Variants in SCN11A observed in about 807,000 individuals in gnomAD.
SCN11A encodes the protein sodium channel protein type 11 subunit alpha.
SCN11A carries 122 observed loss-of-function variants against 162.2 expected under a neutral mutation model. The ratio of observed to expected loss-of-function variants is 0.75; its 90% CI spans 0.65 to 0.87. The LOEUF is 0.87. Ranked by LOEUF, SCN11A falls within the 40% of genes least tolerant of loss-of-function variation. The probability of loss-of-function intolerance (pLI) is 0.00; values close to 1 mark genes in which losing one functional copy is unlikely to be tolerated. For missense variants in SCN11A, 2,015 were observed against 2,181.6 expected, an observed-to-expected ratio of 0.92 and a Z score of 1.52; for synonymous variants, 758 against 751.5, an observed-to-expected ratio of 1.01 and a Z score of -0.14.
intron 19 of SCN11A, among the ~76,000 whole-genome samples, chr3:38,888,374 T>C (rs1191336421): frequency 6.6e-6 from 1 of 152,208 alleles, no homozygotes; most frequent in African/African-American, 2.4e-5. Flanking sequence ...CAGACAATCA[T>C]AGAACTTAGA....
At chr3:38,963,383 A>C (rs1299994130) in intron 2 of SCN11A, among the ~76,000 whole-genome samples, 1 of 79,238 alleles carries the variant, frequency 1.3e-5, no homozygotes, top group Non-Finnish European at 2.2e-5. Flanking sequence ...ATATATATAT[A>C]TATGATGGAG....
intron 2 of SCN11A, among the ~76,000 whole-genome samples, chr3:38,966,663 T>C (rs2066784456): frequency 2.0e-5 from 3 of 152,206 alleles, no homozygotes; most frequent in East Asian, 3.8e-4. Context: ...TGTTGTTAAC[T>C]ACAGTCACCC....
intron 2 of SCN11A, among the ~76,000 whole-genome samples, chr3:38,961,169 G>T (rs1469087968): frequency 6.6e-6 from 1 of 152,098 alleles, no homozygotes; most frequent in African/African-American, 2.4e-5. Context: ...GGAAATTTTG[G>T]TCCTGCCACA....
At chr3:39,005,567 T>C (rs2030948027) in intron 2 of SCN11A, among the ~76,000 whole-genome samples, 1 of 152,246 alleles carries the variant, frequency 6.6e-6, no homozygotes, top group Admixed American at 6.5e-5. Flanking sequence ...AAAGTGCCCA[T>C]TTACAGTCCT....
At chr3:39,001,862 G>A (rs571087675) in intron 2 of SCN11A, among the ~76,000 whole-genome samples, 5 of 152,088 alleles carry the variant, frequency 3.3e-5, no homozygotes, top group South Asian at 2.1e-4. Flanking sequence ...GTGAAACCCC[G>A]TCTCTACTAA....
rs2066657531 is a variant in SCN11A, at chr3:38,954,455, C to T, written c.-138-696G>A. 2.0e-5 allele frequency among the ~76,000 whole-genome samples: 3 copies of T among 152,176 alleles called. No individual in the cohort carries two copies. The South Asian group carries it at 6.2e-4, about 32-fold the overall frequency. On this transcript the variant is annotated intron_variant, in intron 3 of 29. Transcript: ENST00000302328. ...CAAGGAGTCCAGTGGCAGGTGCTGCCATCCTAATGGGGCGATTAAAGAAGC... is the reference window on the plus strand; with the variant it reads ...CAAGGAGTCCAGTGGCAGGTGCTGCTATCCTAATGGGGCGATTAAAGAAGC...
rs77157767 is a variant in SCN11A, at chr3:38,864,757, T to C, written c.3952-1458A>G. ...GATTACAGAACTAGGGCAGGAAGGGTACAACCTAAACTTGGAACATCGTGG... is the reference window on the plus strand; with the variant it reads ...GATTACAGAACTAGGGCAGGAAGGGCACAACCTAAACTTGGAACATCGTGG... On this transcript the variant is annotated intron_variant, in intron 27 of 29. Coordinates refer to ENST00000302328, the MANE Select transcript of SCN11A (RefSeq NM_001349253.2). Among the ~76,000 whole-genome samples, 796 of 152,214 alleles carry C rather than the reference T, an allele frequency of 5.2e-3. 5 individuals are homozygous for C. Among genetic ancestry groups the C allele is most frequent in the African/African-American group, 0.018 (761 of 41,550 alleles).
intron 24 of SCN11A, 54 bp from the exon 25 acceptor site, chr3:38,871,762 C>G (rs2065130628): frequency 6.9e-7 from 1 of 1,447,946 alleles, no homozygotes; most frequent in South Asian, 1.4e-5. Context: ...ATGCACCAGG[C>G]TCTTCAACTT....
At chr3:39,036,991 G>A (rs2031919038) in intron 1 of SCN11A, among the ~76,000 whole-genome samples, 1 of 152,138 alleles carries the variant, frequency 6.6e-6, no homozygotes, top group African/African-American at 2.4e-5. Flanking sequence ...CCAAAAGAAA[G>A]GAAATCAGTA....
chr3:39,041,971 T>TA (rs1464698551), intron 1 of SCN11A, among the ~76,000 whole-genome samples: 2 of 151,942 alleles, frequency 1.3e-5, no homozygotes, highest in African/African-American at 4.8e-5. Context: ...CTGAATGGAT[T>TA]AAAAAAACAA....
intron 23 of SCN11A, 66 bp downstream of exon 23, chr3:38,879,884 C>T: frequency 3.8e-6 from 5 of 1,308,858 alleles, no homozygotes; most frequent in Non-Finnish European, 5.4e-6. Flanking sequence ...GGAAAAGCAG[C>T]CTCCATATGA....
At chr3:38,968,483 A>G (rs1196582891) in intron 2 of SCN11A, among the ~76,000 whole-genome samples, 2 of 152,230 alleles carry the variant, frequency 1.3e-5, no homozygotes, top group African/African-American at 4.8e-5. Flanking sequence ...AGTATGCCAA[A>G]ACTTCCCTTC....
Position 38,995,323 on chromosome 3 carries a change from T to C in SCN11A, c.-279-34900A>G, listed in dbSNP as rs533823406. On this transcript the variant is annotated intron_variant, in intron 2 of 29. Transcript: ENST00000302328. ...TTTTAGTAGAGACAGGGTTTCACCA[T>C]GGTAGCCAGGATGGTCTCCATCCCC... 3.3e-5 allele frequency among the ~76,000 whole-genome samples: 5 copies of C among 152,212 alleles called. No individual in the cohort carries two copies. In the East Asian group the frequency reaches 9.7e-4, roughly 29 times the overall value.
chr3:38,860,323 C>T (rs1263241895), intron 28 of SCN11A, among the ~76,000 whole-genome samples: 2 of 152,030 alleles, frequency 1.3e-5, no homozygotes, highest in African/African-American at 4.8e-5. Flanking sequence ...TCTGACTAGG[C>T]AGGGGGCAAG....
chr3:38,893,893 C>T (rs933725929), intron 19 of SCN11A, among the ~76,000 whole-genome samples: 4 of 151,952 alleles, frequency 2.6e-5, no homozygotes, highest in African/African-American at 9.7e-5. Context: ...AAATTTATAG[C>T]TATCAAATAT....
At chr3:38,854,505 C>T (rs2064834410) in intron 28 of SCN11A, among the ~76,000 whole-genome samples, 1 of 152,180 alleles carries the variant, frequency 6.6e-6, no homozygotes, top group Non-Finnish European at 1.5e-5. Context: ...GTGCATCTCG[C>T]ACTTGGATGG....
At chr3:39,014,694 G>A (rs1477388277) in intron 2 of SCN11A, among the ~76,000 whole-genome samples, 1 of 152,126 alleles carries the variant, frequency 6.6e-6, no homozygotes, top group Non-Finnish European at 1.5e-5. Context: ...GATGTTGTGT[G>A]GGATACCTTG....
intron 1 of SCN11A, among the ~76,000 whole-genome samples, chr3:39,042,974 A>AAAAGAAAG (rs1553652697): frequency 1.4e-4 from 14 of 103,662 alleles, no homozygotes; most frequent in Non-Finnish European, 2.1e-4. Context: ...AAAAAAAAAA[A>AAAAGAAAG]AAAAAGAAAA....
At chr3:38,914,175 G>T (rs1190012417) in intron 11 of SCN11A, among the ~76,000 whole-genome samples, 2 of 152,034 alleles carry the variant, frequency 1.3e-5, no homozygotes, top group East Asian at 3.8e-4. Context: ...TCTTTGAGCA[G>T]CATTTTGCAA....
Sources: gnomAD v4.1 joint callset for allele counts (sites outside exome capture counted in the v4.1 genomes callset) on GRCh38, gnomAD v4.1.1 for gene constraint, MANE v1.5 for transcripts, NCBI Gene and HGNC (gene_info 2026-07-23, HGNC 2026-07-21) for gene names.